Variants in HMGCLL1 observed in about 807,000 individuals in gnomAD.
The protein encoded by HMGCLL1 is 3-hydroxy-3-methylglutaryl-CoA lyase like 1.
In HMGCLL1, 36 loss-of-function variants were observed where a neutral mutation model predicts 39.1. The observed-to-expected ratio is 0.92, with a 90% CI of 0.71 to 1.22. The LOEUF (loss-of-function observed/expected upper bound fraction) is 1.22. Among genes scored for constraint, HMGCLL1 ranks in the 50% most tolerant of loss-of-function variants. The pLI is 0.00. For missense variants in HMGCLL1, 451 were observed against 416.5 expected (o/e 1.08, Z -0.72); for synonymous variants, 149 against 144.0 (o/e 1.03, Z -0.25).
the HMGCLL1 span, among the ~76,000 whole-genome samples, chr6:55,650,483 T>A: frequency 6.6e-6 from 1 of 151,822 alleles, no homozygotes; most frequent in Non-Finnish European, 1.5e-5. Flanking sequence ...CCTCTCTCTC[T>A]CTGTTTGTGC....
the HMGCLL1 span, among the ~76,000 whole-genome samples, chr6:55,634,121 A>C: frequency 6.6e-6 from 1 of 152,114 alleles, no homozygotes; most frequent in Non-Finnish European, 1.5e-5. Flanking sequence ...GATAGAAAGC[A>C]ATATTAATAT....
chr6:55,493,624 G>A (rs1206070211), intron 7 of HMGCLL1, among the ~76,000 whole-genome samples: 4 of 152,026 alleles, frequency 2.6e-5, no homozygotes, highest in African/African-American at 9.7e-5. Context: ...TTGCTCAAAC[G>A]ATGTTTCATC....
intron 1 of HMGCLL1, among the ~76,000 whole-genome samples, chr6:55,548,847 T>C (rs539187253): frequency 6.7e-6 from 1 of 149,132 alleles, no homozygotes; most frequent in East Asian, 1.9e-4. Context: ...AACAAAATAA[T>C]AGAAAAAACA....
intron 3 of HMGCLL1, among the ~76,000 whole-genome samples, chr6:55,532,805 ATAATAATAAT>A (rs1768763367): frequency 1.1e-3 from 1 of 894 alleles, no homozygotes; most frequent in Admixed American, 0.01. Flanking sequence ...TGTCTCAAAC[ATAATAATAAT>A]AATAATAATA....
At chr6:55,653,240 A>G in the HMGCLL1 span, among the ~76,000 whole-genome samples, 1 of 152,052 alleles carries the variant, frequency 6.6e-6, no homozygotes. Context: ...ACAAAAAAAA[A>G]GTTCTTCCCC....
chr6:55,579,480 G>A (rs1265418998), upstream of HMGCLL1, among the ~76,000 whole-genome samples: 4 of 152,162 alleles, frequency 2.6e-5, no homozygotes, highest in Non-Finnish European at 5.9e-5. Flanking sequence ...TGTTTATGTT[G>A]ATGAGTTCGT....
At chr6:55,482,880 A>C (rs1765817478) in intron 7 of HMGCLL1, among the ~76,000 whole-genome samples, 1 of 152,150 alleles carries the variant, frequency 6.6e-6, no homozygotes, top group African/African-American at 2.4e-5. Context: ...TAATATAAAT[A>C]AATTTAAACT....
intron 7 of HMGCLL1, among the ~76,000 whole-genome samples, chr6:55,469,021 C>T (rs2127401685): frequency 6.6e-6 from 1 of 151,790 alleles, no homozygotes; most frequent in African/African-American, 2.4e-5. Context: ...TCTATTTGAT[C>T]GTGCAGCATT....
intron 1 of HMGCLL1, among the ~76,000 whole-genome samples, chr6:55,559,024 A>T (rs1227520950): frequency 6.6e-6 from 1 of 152,152 alleles, no homozygotes; most frequent in African/African-American, 2.4e-5. Context: ...ATCCAACCCT[A>T]AGACACATTT....
intron 3 of HMGCLL1, among the ~76,000 whole-genome samples, chr6:55,538,677 C>G (rs549716693): frequency 6.6e-6 from 1 of 152,082 alleles, no homozygotes; most frequent in Non-Finnish European, 1.5e-5. Flanking sequence ...TTCTCTCAGA[C>G]TGATTGATTT....
At chr6:55,455,269 A>G (rs1561890448) in intron 7 of HMGCLL1, among the ~76,000 whole-genome samples, 1 of 152,150 alleles carries the variant, frequency 6.6e-6, no homozygotes, top group African/African-American at 2.4e-5. Context: ...ATTGATCAAA[A>G]TATCTAACAA....
At chr6:55,439,590 G>A (rs760031668) in intron 7 of HMGCLL1, 31 bp from the exon 8 acceptor site, 1 of 1,604,294 alleles carries the variant, frequency 6.2e-7, no homozygotes, top group Non-Finnish European at 8.5e-7. Flanking sequence ...CCTAAAGCTT[G>A]TGTGTTTATG....
the HMGCLL1 span, among the ~76,000 whole-genome samples, chr6:55,669,759 G>T: frequency 2.0e-5 from 3 of 151,808 alleles, no homozygotes; most frequent in African/African-American, 7.2e-5. Flanking sequence ...AACGACAGAG[G>T]AAAGAGCCAA....
At chr6:55,500,737 A>G (rs1766840967) in intron 5 of HMGCLL1, among the ~76,000 whole-genome samples, 1 of 152,032 alleles carries the variant, frequency 6.6e-6, no homozygotes, top group African/African-American at 2.4e-5. Context: ...TTTAATCAAG[A>G]TGTGTGAAAA....
At chr6:55,483,405 A>T (rs1211442880) in intron 7 of HMGCLL1, among the ~76,000 whole-genome samples, 1 of 152,132 alleles carries the variant, frequency 6.6e-6, no homozygotes, top group Non-Finnish European at 1.5e-5. Flanking sequence ...AGCTGGGACT[A>T]TAGGCACGTG....
At chr6:55,652,126 G>A in the HMGCLL1 span, among the ~76,000 whole-genome samples, 10 of 152,138 alleles carry the variant, frequency 6.6e-5, no homozygotes, top group South Asian at 2.1e-4. Context: ...TTGGAGTTCC[G>A]TGGTCACGGG....
chr6:55,638,115 T>C, the HMGCLL1 span, among the ~76,000 whole-genome samples: 1 of 151,994 alleles, frequency 6.6e-6, no homozygotes, highest in Non-Finnish European at 1.5e-5. Context: ...GACAAGGTGA[T>C]ATTAGAAATA....
intron 7 of HMGCLL1, among the ~76,000 whole-genome samples, chr6:55,475,953 T>C (rs1432693533): frequency 1.3e-5 from 2 of 151,702 alleles, no homozygotes; most frequent in Non-Finnish European, 3.0e-5. Context: ...TATATGCCCA[T>C]TCTTGTATTG....
intron 8 of HMGCLL1, among the ~76,000 whole-genome samples, chr6:55,437,996 C>T (rs1581779236): frequency 6.6e-6 from 1 of 152,002 alleles, no homozygotes; most frequent in Admixed American, 6.6e-5. Context: ...ATTGTGGCAG[C>T]TACTCAATGT....
Sources: gnomAD v4.1 joint callset for allele counts (sites outside exome capture counted in the v4.1 genomes callset) on GRCh38, gnomAD v4.1.1 for gene constraint, MANE v1.5 for transcripts, NCBI Gene and HGNC (gene_info 2026-07-23, HGNC 2026-07-21) for gene names.